Variants in NLGN1 observed in about 807,000 individuals in gnomAD.
NLGN1 encodes the protein neuroligin-1.
NLGN1 carries 12 observed loss-of-function variants against 65.5 expected under a neutral mutation model. The ratio of observed to expected loss-of-function variants is 0.18; its 90% CI spans 0.12 to 0.30. NLGN1 has a LOEUF of 0.30. Among genes scored for constraint, NLGN1 ranks in the 10% least tolerant of loss-of-function variants. The pLI is 1.00. For missense variants in NLGN1, 750 were observed against 1,007.1 expected (o/e 0.74, Z 3.46); for synonymous variants, 350 against 359.5 (o/e 0.97, Z 0.30).
intron 4 of NLGN1, among the ~76,000 whole-genome samples, chr3:174,211,887 C>A (rs962108760): frequency 2.0e-5 from 3 of 151,730 alleles, no homozygotes; most frequent in Non-Finnish European, 2.9e-5. Flanking sequence ...CCCCACCAGA[C>A]TCAGGAGCCC....
chr3:174,277,743 T>TAA (rs1750851623), intron 5 of NLGN1, among the ~76,000 whole-genome samples: 1 of 151,894 alleles, frequency 6.6e-6, no homozygotes, highest in Non-Finnish European at 1.5e-5. Flanking sequence ...ACAGACATGT[T>TAA]GAATATATAG....
intron 4 of NLGN1, among the ~76,000 whole-genome samples, chr3:174,267,449 C>G (rs1305664301): frequency 1.3e-5 from 2 of 152,156 alleles, no homozygotes; most frequent in South Asian, 2.1e-4. Flanking sequence ...ATACTAACAT[C>G]CTGGTTATCC....
intron 4 of NLGN1, among the ~76,000 whole-genome samples, chr3:174,265,079 T>C (rs1353081795): frequency 1.3e-5 from 2 of 151,938 alleles, no homozygotes; most frequent in South Asian, 2.1e-4. Context: ...ACTGCTCTCT[T>C]CAAAGCTGTC....
intron 3 of NLGN1, among the ~76,000 whole-genome samples, chr3:173,772,387 G>T (rs1779715730): frequency 6.6e-6 from 1 of 152,096 alleles, no homozygotes; most frequent in South Asian, 2.1e-4. Context: ...GGAGGCTGAG[G>T]CAGGAGGATC....
At chr3:173,482,235 G>T (rs999874372) in intron 2 of NLGN1, among the ~76,000 whole-genome samples, 1 of 151,770 alleles carries the variant, frequency 6.6e-6, no homozygotes, top group Non-Finnish European at 1.5e-5. Context: ...TCTAGTGCTT[G>T]TATGTCTACA....
intron 4 of NLGN1, among the ~76,000 whole-genome samples, chr3:174,107,467 G>A (rs1341710740): frequency 6.6e-6 from 1 of 152,106 alleles, no homozygotes; most frequent in Admixed American, 6.6e-5. Context: ...TGTATTAATA[G>A]ATCTTTCCAG....
At chr3:174,274,871 C>G (rs867666128) in intron 4 of NLGN1, among the ~76,000 whole-genome samples, 1 of 151,832 alleles carries the variant, frequency 6.6e-6, no homozygotes, top group African/African-American at 2.4e-5. Context: ...ACATGTCCAT[C>G]CTGCCATTCT....
intron 3 of NLGN1, among the ~76,000 whole-genome samples, chr3:173,724,103 C>A (rs7623523): frequency 0.56 from 84,656 of 151,924 alleles, 24,211 homozygotes; most frequent in East Asian, 0.77. Context: ...CTTCACTATT[C>A]GACATTCAAG....
At chr3:173,834,188 C>G (rs1451791990) in intron 4 of NLGN1, among the ~76,000 whole-genome samples, 5 of 152,254 alleles carry the variant, frequency 3.3e-5, no homozygotes, top group African/African-American at 1.2e-4. Context: ...TAGTCACACT[C>G]TTATATTCCA....
At chr3:173,419,793 A>AC (rs1172492163) in intron 1 of NLGN1, among the ~76,000 whole-genome samples, 1 of 151,848 alleles carries the variant, frequency 6.6e-6, no homozygotes, top group Non-Finnish European at 1.5e-5. Context: ...ACATGGTGAA[A>AC]CCCCATCTCT....
In NLGN1 at chr3:173,864,670, C is replaced by T. The variant is rs976620808; in HGVS notation, c.646+56838C>T. Among the ~76,000 whole-genome samples the T allele has an allele frequency of 4.6e-4, 70 of 152,122 alleles. 1 individual carries two copies. Among genetic ancestry groups the T allele is most frequent in the African/African-American group, 1.3e-3 (54 of 41,414 alleles). On this transcript the variant is annotated intron_variant, in intron 4 of 6. Transcript: ENST00000457714. ...GCCATGAAAAGTTTGATTAAATTTA[C>T]GTTCTGTTTATGTATGCAACTGAAA...
chr3:173,526,430 CT>C (rs1232881970), intron 2 of NLGN1, among the ~76,000 whole-genome samples: 1 of 151,326 alleles, frequency 6.6e-6, no homozygotes, highest in Non-Finnish European at 1.5e-5. Context: ...TGTGATATAT[CT>C]TTTTCTATCC....
intron 3 of NLGN1, among the ~76,000 whole-genome samples, chr3:173,786,953 T>C (rs940360414): frequency 3.3e-5 from 5 of 152,056 alleles, no homozygotes; most frequent in Non-Finnish European, 1.5e-5. Flanking sequence ...GGCAGGCACC[T>C]GTAATCCCAG....
At chr3:173,582,222 C>T (rs1003155053) in intron 2 of NLGN1, among the ~76,000 whole-genome samples, 1 of 151,978 alleles carries the variant, frequency 6.6e-6, no homozygotes. Flanking sequence ...GTTACCGTTT[C>T]TACTATTGCA....
chr3:173,413,403 C>A (rs1713010329), intron 1 of NLGN1, among the ~76,000 whole-genome samples: 1 of 152,056 alleles, frequency 6.6e-6, no homozygotes, highest in Non-Finnish European at 1.5e-5. Context: ...AGTTCAAGAC[C>A]AGCCTGACCG....
At chr3:173,796,503 AC>A (rs1276930918) in intron 3 of NLGN1, among the ~76,000 whole-genome samples, 3 of 152,022 alleles carry the variant, frequency 2.0e-5, no homozygotes, top group Non-Finnish European at 4.4e-5. Context: ...CTGTTGTTTC[AC>A]CACTGAATTT....
At chr3:173,669,373 G>A (rs1242950638) in intron 3 of NLGN1, among the ~76,000 whole-genome samples, 3 of 152,146 alleles carry the variant, frequency 2.0e-5, no homozygotes, top group African/African-American at 7.2e-5. Context: ...AAGGTGTTTG[G>A]CAGGGCCATG....
In NLGN1 at chr3:174,139,712, A is replaced by G. The variant is rs182410900; in HGVS notation, c.647-135603A>G. On this transcript the variant is annotated intron_variant, in intron 4 of 6. Transcript: ENST00000457714. Reference sequence around the variant, plus strand: ...AAATGTCTCCTAAAGTGGTGGTACCATTTTGCATTCCCACCAGCAATAAAA... The same window carrying G: ...AAATGTCTCCTAAAGTGGTGGTACCGTTTTGCATTCCCACCAGCAATAAAA... 2.9e-3 allele frequency among the ~76,000 whole-genome samples: 445 copies of G among 152,208 alleles called. 2 individuals are homozygous for G. Among genetic ancestry groups the G allele is most frequent in the Non-Finnish European group, 5.3e-3 (358 of 67,988 alleles).
At chr3:173,462,598 G>A (rs1219944601) in intron 2 of NLGN1, among the ~76,000 whole-genome samples, 1 of 151,962 alleles carries the variant, frequency 6.6e-6, no homozygotes, top group African/African-American at 2.4e-5. Context: ...TCTTACCATA[G>A]CCAGTCTCCA....
Sources: allele counts gnomAD v4.1 joint callset (sites outside exome capture counted in the v4.1 genomes callset), GRCh38; gene constraint gnomAD v4.1.1; transcripts MANE v1.5; gene names NCBI Gene and HGNC (gene_info 2026-07-23, HGNC 2026-07-21).